SHISAL1: variants seen among roughly 807,000 people sequenced by gnomAD.
SHISAL1 encodes the protein shisa like 1, also known as protein shisa-like-1.
SHISAL1 carries 9 observed loss-of-function variants against 22.6 expected under a neutral mutation model. The observed-to-expected ratio is 0.40, with a 90% confidence interval of 0.24 to 0.70. The LOEUF is 0.70. Among genes scored for constraint, SHISAL1 ranks in the 30% least tolerant of loss-of-function variants. SHISAL1 has a pLI of 0.39. For synonymous variants in SHISAL1, 119 were observed against 115.4 expected, an observed-to-expected ratio of 1.03 and a Z score of -0.20; for missense variants, 246 against 270.6, an observed-to-expected ratio of 0.91 and a Z score of 0.64.
intron 1 of SHISAL1, among the ~76,000 whole-genome samples, chr22:44,309,234 C>T (rs1381631474): frequency 6.6e-6 from 1 of 152,214 alleles, no homozygotes; most frequent in Non-Finnish European, 1.5e-5. Context: ...ATTCCCGCTG[C>T]CATAAGGCTT....
At chr22:44,312,246 G>A (rs1240544284) in intron 1 of SHISAL1, among the ~76,000 whole-genome samples, 2 of 152,142 alleles carry the variant, frequency 1.3e-5, no homozygotes, top group Admixed American at 6.5e-5. Flanking sequence ...TTTCGTACCG[G>A]TGTGATGCTG....
At chr22:44,299,893 CAG>C (rs1490281353) in intron 2 of SHISAL1, among the ~76,000 whole-genome samples, 3 of 137,302 alleles carry the variant, frequency 2.2e-5, no homozygotes, top group South Asian at 2.4e-4. Flanking sequence ...AAGACAGAGA[CAG>C]AGAGACAGAG....
the SHISAL1 span, among the ~76,000 whole-genome samples, chr22:44,330,296 G>A: frequency 3.9e-5 from 6 of 152,240 alleles, no homozygotes; most frequent in African/African-American, 1.4e-4. Context: ...CAGGAGCCTT[G>A]GTCAAGGTCA....
chr22:44,299,138 A>G (rs1237735751), intron 2 of SHISAL1, among the ~76,000 whole-genome samples: 4 of 152,188 alleles, frequency 2.6e-5, no homozygotes, highest in Non-Finnish European at 5.9e-5. Flanking sequence ...TACGAGCACT[A>G]GAGGCTGTAA....
At chr22:44,285,911 T>C (rs1481777239) in intron 3 of SHISAL1, among the ~76,000 whole-genome samples, 166 bp from the exon 4 acceptor site, 1 of 152,174 alleles carries the variant, frequency 6.6e-6, no homozygotes, top group Non-Finnish European at 1.5e-5. Flanking sequence ...CCCTCTCCTC[T>C]GCCTGCCTGT....
intron 4 of SHISAL1, among the ~76,000 whole-genome samples, chr22:44,251,579 C>T (rs5764664): frequency 0.096 from 14,588 of 152,202 alleles, 1,201 homozygotes; most frequent in East Asian, 0.28. Context: ...TACAGTTCCA[C>T]ATGTCTGGGG....
At chr22:44,312,071 G>A (rs1969443481) in intron 1 of SHISAL1, among the ~76,000 whole-genome samples, 1 of 152,132 alleles carries the variant, frequency 6.6e-6, no homozygotes, top group African/African-American at 2.4e-5. Flanking sequence ...CAGCCTCCCT[G>A]GTCCCCAGAA....
At chr22:44,278,949 C>A (rs1195858263) in intron 4 of SHISAL1, among the ~76,000 whole-genome samples, 1 of 152,036 alleles carries the variant, frequency 6.6e-6, no homozygotes, top group Non-Finnish European at 1.5e-5. Context: ...CCCTCGGGAC[C>A]TCTCATCACC....
At position 44,296,884 on chromosome 22, in the gene SHISAL1, G is replaced by C; in HGVS notation, c.69C>G (p.Val23=). 1.9e-6 allele frequency: 3 copies of C among 1,610,418 alleles called. No homozygotes were observed. Among genetic ancestry groups the C allele is most frequent in the Non-Finnish European group, 2.5e-6 (3 of 1,178,440 alleles). The change falls in exon 3 of 5, where the codon GTC becomes GTG. Residue 23 remains valine, a splice_region_variant and synonymous_variant. Transcript: ENST00000381176. ...CACAGACCCGGAAATGTGCAGACAA[G>C]ACTGGAAGACAGAGTCACCAGGCTC... The part of the protein sequence containing the change: ...AVLFSLLFSA[V]LSAHFRVCEP...
chr22:44,301,599 A>G (rs1344757926), intron 1 of SHISAL1, among the ~76,000 whole-genome samples: 2 of 152,200 alleles, frequency 1.3e-5, no homozygotes, highest in African/African-American at 2.4e-5. Flanking sequence ...AGATACGTAC[A>G]CACACCCATG....
At chr22:44,313,520 C>T (rs1045802692), upstream of SHISAL1, among the ~76,000 whole-genome samples, 5 of 152,240 alleles carry the variant, frequency 3.3e-5, no homozygotes, top group Admixed American at 2.0e-4. Context: ...GAGGGTCCTC[C>T]CTGCCAGTAG....
intron 4 of SHISAL1, among the ~76,000 whole-genome samples, chr22:44,282,118 C>T (rs2055280850): frequency 3.9e-5 from 6 of 152,232 alleles, no homozygotes; most frequent in Admixed American, 3.9e-4. Context: ...GCCTCGGGGC[C>T]CTCACCCACC....
rs1003542359 is a variant in SHISAL1 at position 44,310,641 on chromosome 22, G to A, written c.-33+2110C>T. On this transcript the variant is annotated intron_variant, in intron 1 of 4. Transcript: ENST00000381176. The surrounding 1 kb of genome is among the most constrained non-coding windows in gnomAD (Gnocchi z 4.0). The stretch of plus-strand genomic sequence containing the variant: ...GCTGATCCATAAACCGTTCTTATCC[G>A]ATGTTGCCTACTCTACTGTTCCCAA... 5.3e-5 allele frequency among the ~76,000 whole-genome samples: 8 copies of A among 152,202 alleles called. No homozygotes were observed. The highest frequency in any genetic ancestry group is 3.9e-4 in the East Asian group (2 of 5,186).
intron 4 of SHISAL1, among the ~76,000 whole-genome samples, chr22:44,268,790 C>T (rs1601783389): frequency 6.6e-6 from 1 of 152,284 alleles, no homozygotes; most frequent in South Asian, 2.1e-4. Context: ...TGGGTAAGCA[C>T]CTGGGGGCAG....
At chr22:44,280,607 AG>A (rs1374022318) in intron 4 of SHISAL1, among the ~76,000 whole-genome samples, 1 of 152,130 alleles carries the variant, frequency 6.6e-6, no homozygotes, top group Non-Finnish European at 1.5e-5. Flanking sequence ...AGGCAGAGTC[AG>A]GCCACCAAGG....
rs182571309 is a variant in SHISAL1, at chr22:44,312,335, A to G, written c.-33+416T>C. On this transcript the variant is annotated intron_variant, in intron 1 of 4. Transcript: ENST00000381176. ...AAGCCAACCAAATGCCCTCCAGGCC[A>G]TGACTAGGGCATCCTGAGAGCACTC... is the stretch of plus-strand genomic sequence containing the variant. Among the ~76,000 whole-genome samples, 457 of 152,232 alleles carry G rather than the reference A, an allele frequency of 3.0e-3. 4 individuals carry two copies. Among genetic ancestry groups the G allele is most frequent in the African/African-American group, 1.0e-2 (415 of 41,540 alleles).
chr22:44,291,982 G>A (rs1229098518), intron 3 of SHISAL1, among the ~76,000 whole-genome samples: 2 of 152,182 alleles, frequency 1.3e-5, no homozygotes, highest in Admixed American at 6.5e-5. Context: ...TATGGCCCAC[G>A]TGGCTGGAAG....
chr22:44,250,513 A>C (rs2055039986), intron 4 of SHISAL1, among the ~76,000 whole-genome samples: 1 of 152,198 alleles, frequency 6.6e-6, no homozygotes, highest in South Asian at 2.1e-4. Context: ...CATCTGTGGA[A>C]AGCAGCATGA....
intron 3 of SHISAL1, among the ~76,000 whole-genome samples, chr22:44,293,506 G>T (rs1416436551): frequency 1.3e-5 from 2 of 152,184 alleles, no homozygotes; most frequent in Admixed American, 1.3e-4. Flanking sequence ...CATGGAGGGT[G>T]ACCTGGCCCC....
Sources: allele counts gnomAD v4.1 joint callset (sites outside exome capture counted in the v4.1 genomes callset), GRCh38; gene constraint gnomAD v4.1.1; non-coding constraint Gnocchi (gnomAD v3.1); transcripts MANE v1.5; gene names NCBI Gene and HGNC (gene_info 2026-07-23, HGNC 2026-07-21).